The following SVEP1 variants were observed in gnomAD, a reference collection of about 807,000 sequenced individuals.
SVEP1 encodes sushi, von Willebrand factor type A, EGF and pentraxin domain containing 1, also known as sushi, von Willebrand factor type A, EGF and pentraxin domain-containing protein 1.
Under a neutral mutation model 367.3 loss-of-function variants are expected in SVEP1, and 164 were observed. That is an observed-to-expected ratio of 0.45 (90% CI 0.39 to 0.51). The LOEUF (loss-of-function observed/expected upper bound fraction) is 0.51, where lower values mean the gene tolerates loss of function less well. Ranked by LOEUF, SVEP1 falls within the 20% of genes least tolerant of loss-of-function variation. SVEP1 has a pLI of 0.00. For synonymous variants in SVEP1, 1,666 were observed against 1,611.6 expected, an observed-to-expected ratio of 1.03 and a Z score of -0.81; for missense variants, 4,117 against 4,425.3, an observed-to-expected ratio of 0.93 and a Z score of 1.98.
chr9:110,559,113 G>T (rs1830391087), intron 1 of SVEP1, among the ~76,000 whole-genome samples: 1 of 151,940 alleles, frequency 6.6e-6, no homozygotes, highest in Admixed American at 6.6e-5. Flanking sequence ...TAGAAAAACA[G>T]CAGATTTCCC....
rs1828152916 is a variant in SVEP1 at position 110,418,918 on chromosome 9, G to C, written c.5976-7183C>G. Among the ~76,000 whole-genome samples the C allele has an allele frequency of 3.0e-5, 3 of 100,824 alleles. No individual in the cohort carries two copies. In the South Asian group the frequency reaches 9.6e-4, roughly 32 times the overall value. 66.1% of individuals were successfully genotyped at this position (100,824 alleles called of 152,430 possible). A position where few individuals can be genotyped will look rare whatever the true frequency, so the allele number is the denominator to read the frequency against. On this transcript the variant is annotated intron_variant, in intron 36 of 47. Coordinates refer to ENST00000374469, the MANE Select transcript of SVEP1 (RefSeq NM_153366.4). ...TACTTTATAGACAAGCAAATGCTGA[G>C]AGATTTTGTCACCACCAGGCCTGCC...
chr9:110,567,929 G>T (rs915310474), intron 1 of SVEP1, among the ~76,000 whole-genome samples: 2 of 152,160 alleles, frequency 1.3e-5, no homozygotes, highest in African/African-American at 4.8e-5. Flanking sequence ...GCCCTCCAGG[G>T]ACCAATCCTT....
rs575417177 is a variant in SVEP1, at chr9:110,447,153, C to G, written c.4104-96G>C. The G allele has an allele frequency of 3.4e-6, 4 of 1,160,964 alleles. No homozygotes were observed. In the African/African-American group the frequency reaches 4.8e-5, roughly 14 times the overall value. 71.9% of individuals were successfully genotyped at this position (1,160,964 alleles called of 1,614,324 possible). A position where few individuals can be genotyped will look rare whatever the true frequency, so the allele number is the denominator to read the frequency against. ...TCGAAAGACTTTGAAAATTGAAATG[C>G]TGGAACACATTTTCTACACCAAAAC... On this transcript the variant is annotated intron_variant, in intron 24 of 47. Transcript: ENST00000374469.
intron 3 of SVEP1, among the ~76,000 whole-genome samples, chr9:110,545,556 A>G (rs1830209700): frequency 1.3e-5 from 2 of 152,110 alleles, no homozygotes; most frequent in South Asian, 2.1e-4. Context: ...TGAAGGATGC[A>G]TTTTTTTATG....
At chr9:110,475,740 G>T (rs1829089751) in intron 14 of SVEP1, 1 of 157,680 alleles carries the variant, frequency 6.3e-6, no homozygotes, top group Non-Finnish European at 1.4e-5. Context: ...TATACATAGA[G>T]AAAACATCAA....
At chr9:110,381,111 T>A (rs938802865) in intron 43 of SVEP1, among the ~76,000 whole-genome samples, 16 of 151,610 alleles carry the variant, frequency 1.1e-4, no homozygotes, top group African/African-American at 2.4e-4. Flanking sequence ...TCCCTTTTTT[T>A]AATTAGCTAG....
At chr9:110,566,036 C>T (rs1038865785) in intron 1 of SVEP1, among the ~76,000 whole-genome samples, 9 of 151,990 alleles carry the variant, frequency 5.9e-5, no homozygotes, top group African/African-American at 1.4e-4. Context: ...ATAACCTAAC[C>T]GGCCAGGTCC....
chr9:110,455,837 A>C (rs1324165988), intron 21 of SVEP1, 134 bp from the exon 22 acceptor site: 1 of 534,912 alleles, frequency 1.9e-6, no homozygotes, highest in East Asian at 3.1e-5. Context: ...ATATTCATTA[A>C]GTGCTACCAT....
intron 37 of SVEP1, 138 bp downstream of exon 37, chr9:110,410,925 G>A: frequency 1.6e-6 from 1 of 635,418 alleles, no homozygotes; most frequent in Non-Finnish European, 2.6e-6. Flanking sequence ...ATGATTCTTT[G>A]TTAGTGATAA....
At chr9:110,390,275 T>G (rs528691485) in intron 40 of SVEP1, among the ~76,000 whole-genome samples, 9,036 of 67,706 alleles carry the variant, frequency 0.13, 1,253 homozygotes, top group East Asian at 0.4. Flanking sequence ...ATATATATAC[T>G]TATATATATA....
intron 24 of SVEP1, among the ~76,000 whole-genome samples, chr9:110,448,767 T>A (rs1828645702): frequency 1.3e-5 from 2 of 152,242 alleles, no homozygotes; most frequent in Admixed American, 6.5e-5. Context: ...AATTTCTCAT[T>A]GTCTACAGTT....
In SVEP1 at chr9:110,579,072, G is replaced by T; in HGVS notation, c.472C>A (p.Pro158Thr). The T allele has an allele frequency of 6.4e-7, 1 of 1,551,040 alleles. No individual in the cohort carries two copies. Among genetic ancestry groups the T allele is most frequent in the African/African-American group, 1.4e-5 (1 of 73,162 alleles). Residue 158 changes from proline (P) to threonine (T), a missense_variant, in exon 1 of 48, where the codon CCT becomes ACT. Pro to Thr is a conservative substitution (Grantham distance 38). Transcript: ENST00000374469. The surrounding 1 kb of genome is among the most constrained non-coding windows in gnomAD (Gnocchi z 5.3). ...HKCALLLQEIPAISYRGGGTY... is the reference protein window; with the variant it reads ...HKCALLLQEITAISYRGGGTY... ...CCGCCACCTCGGTAGGAGATGGCAG[G>T]GATCTCTTGGAGGAGCAGCGCGCAC...
chr9:110,426,828 G>A (rs573932100), intron 36 of SVEP1, among the ~76,000 whole-genome samples: 2 of 152,182 alleles, frequency 1.3e-5, no homozygotes, highest in Admixed American at 6.5e-5. Context: ...TTCGTAATTT[G>A]TTACCTGGTT....
chr9:110,447,961 A>G (rs199516310), intron 24 of SVEP1, among the ~76,000 whole-genome samples: 21 of 129,362 alleles, frequency 1.6e-4, no homozygotes, highest in South Asian at 2.5e-4. Context: ...TGCTGAGTGG[A>G]AAAAAAAACC....
At chr9:110,461,452 A>T (rs1286616923) in intron 18 of SVEP1, among the ~76,000 whole-genome samples, 1 of 152,236 alleles carries the variant, frequency 6.6e-6, no homozygotes, top group Non-Finnish European at 1.5e-5. Flanking sequence ...GGATGTCAAC[A>T]TCCTTATCAT....
chr9:110,452,375 T>TA (rs1174832883), intron 22 of SVEP1, among the ~76,000 whole-genome samples: 5 of 152,220 alleles, frequency 3.3e-5, no homozygotes, highest in Admixed American at 3.3e-4. Context: ...CACAAGTTTT[T>TA]ACTATGATTC....
intron 46 of SVEP1, among the ~76,000 whole-genome samples, chr9:110,374,192 CTACGTGTT>C (rs1453943907): frequency 6.6e-6 from 1 of 152,144 alleles, no homozygotes; most frequent in Non-Finnish European, 1.5e-5. Context: ...TCTATTGTTC[CTACGTGTT>C]TACGTGTTCC....
At chr9:110,450,361 T>A (rs1300470209) in intron 23 of SVEP1, 101 bp from the exon 24 acceptor site, 35 of 1,223,840 alleles carry the variant, frequency 2.9e-5, no homozygotes, top group Non-Finnish European at 3.9e-5. Flanking sequence ...TCTAGAGGAT[T>A]GGAATGGAGG....
chr9:110,378,842 C>T (rs140151575), intron 44 of SVEP1, among the ~76,000 whole-genome samples: 2 of 151,366 alleles, frequency 1.3e-5, no homozygotes, highest in Non-Finnish European at 2.9e-5. Flanking sequence ...AGCACACCAA[C>T]ATGGCACATG....
Sources: allele counts gnomAD v4.1 joint callset (sites outside exome capture counted in the v4.1 genomes callset), GRCh38; gene constraint gnomAD v4.1.1; non-coding constraint Gnocchi (gnomAD v3.1); transcripts MANE v1.5; gene names NCBI Gene and HGNC (gene_info 2026-07-23, HGNC 2026-07-21).